PSD4: variants seen among roughly 807,000 people sequenced by gnomAD.
PSD4 encodes the protein pleckstrin and Sec7 domain containing 4, also known as PH and SEC7 domain-containing protein 4.
A neutral mutation model predicts 112.5 loss-of-function variants in PSD4; 59 were observed. That is an observed-to-expected ratio of 0.52 (90% CI 0.43 to 0.65). The LOEUF (loss-of-function observed/expected upper bound fraction) is 0.65. Among genes scored for constraint, PSD4 ranks in the 30% least tolerant of loss-of-function variants. The pLI is 0.00. For synonymous variants in PSD4, 533 were observed against 540.0 expected (o/e 0.99, Z 0.18); for missense variants, 1,267 against 1,352.6 (o/e 0.94, Z 0.99).
intron 1 of PSD4, among the ~76,000 whole-genome samples, chr2:113,176,888 C>T (rs1035725547): frequency 1.3e-5 from 2 of 152,174 alleles, no homozygotes; most frequent in Non-Finnish European, 2.9e-5. Flanking sequence ...ATCAGACCGC[C>T]CTCACCTGGG....
At chr2:113,199,332 G>C in intron 16 of PSD4, 106 bp downstream of exon 16, 1 of 1,261,728 alleles carries the variant, frequency 7.9e-7, no homozygotes, top group East Asian at 3.2e-5. Context: ...GCCGGGGCGG[G>C]GAGAGGCGCT....
In PSD4 at chr2:113,197,888, T is replaced by A; in HGVS notation, c.2599T>A (p.Trp867Arg). 1 of 1,595,894 alleles carries A rather than the reference T, an allele frequency of 6.3e-7. No homozygotes were observed. The highest frequency in any genetic ancestry group is 8.6e-7 in the Non-Finnish European group (1 of 1,167,730). The change falls in exon 14 of 17, where the codon TGG (tryptophan) becomes AGG (arginine). Residue 867 changes from tryptophan to arginine, a missense_variant. Coordinates refer to ENST00000245796, the MANE Select transcript of PSD4 (RefSeq NM_012455.3). ...CGTCTTCCAGCTGCGCACGGCTGACTGGCGCCTCTACCTCTTCCAGGCACC... is the reference window on the plus strand; with the variant it reads ...CGTCTTCCAGCTGCGCACGGCTGACAGGCGCCTCTACCTCTTCCAGGCACC... The part of the protein sequence containing the change: ...PHVFQLRTAD[W>R]RLYLFQAPTA...
At chr2:113,191,256 A>G (rs1268368105) in intron 5 of PSD4, among the ~76,000 whole-genome samples, 2 of 152,094 alleles carry the variant, frequency 1.3e-5, no homozygotes, top group Non-Finnish European at 2.9e-5. Context: ...CTAATGTTAT[A>G]TATCTGTTTA....
intron 5 of PSD4, among the ~76,000 whole-genome samples, chr2:113,190,446 A>AT (rs1236786919): frequency 6.6e-6 from 1 of 151,940 alleles, no homozygotes; most frequent in Non-Finnish European, 1.5e-5. Flanking sequence ...TATTATTATT[A>AT]TTTTTTTGAG....
At position 113,204,766 on chromosome 2, in the gene PSD4, A is replaced by G. The variant is rs1185738300; in HGVS notation, c.*3351A>G. The G allele has an allele frequency of 6.6e-6, 1 of 152,120 alleles. No homozygotes were observed. Among genetic ancestry groups the G allele is most frequent in the Non-Finnish European group, 1.5e-5 (1 of 68,032 alleles). 9.4% of individuals were successfully genotyped at this position (152,120 alleles called of 1,614,324 possible). On this transcript the variant is annotated 3_prime_UTR_variant, in exon 17 of 17. Transcript: ENST00000245796. ...CACCAGGGTAGATAAAAAGATCACC[A>G]AGACCCGCACCTTTTTCCTTAGGAG... is the stretch of plus-strand genomic sequence containing the variant.
At position 113,208,841 on chromosome 2, in the gene PSD4, A is replaced by G. The variant is rs1688902009; in HGVS notation, c.*7426A>G. On this transcript the variant is annotated 3_prime_UTR_variant, in exon 17 of 17. Transcript: ENST00000245796. ...GTCATGGTCATGGGCTAATCTGTAT[A>G]TGAAAACCCACTTGAAAGAAATCCC... 6.6e-6 allele frequency: 1 copy of G among 152,212 alleles called. No individual in the cohort carries two copies. 9.4% of individuals were successfully genotyped at this position (152,212 alleles called of 1,614,324 possible). A position where few individuals can be genotyped will look rare whatever the true frequency, so the allele number is the denominator to read the frequency against.
chr2:113,190,631 T>A (rs1303111785), intron 5 of PSD4, among the ~76,000 whole-genome samples: 1 of 152,176 alleles, frequency 6.6e-6, no homozygotes, highest in African/African-American at 2.4e-5. Flanking sequence ...TTTATGGAGA[T>A]GTGGTCTCAC....
chr2:113,178,596 T>C (rs1229974893), intron 1 of PSD4, among the ~76,000 whole-genome samples: 1 of 151,968 alleles, frequency 6.6e-6, no homozygotes, highest in Non-Finnish European at 1.5e-5. Flanking sequence ...ACAAGTGGGG[T>C]TTCCTCTCAT....
intron 14 of PSD4, 99 bp downstream of exon 14, chr2:113,198,012 G>A (rs1012741578): frequency 1.4e-5 from 18 of 1,314,020 alleles, no homozygotes; most frequent in Admixed American, 3.2e-5. Context: ...GCCCCAGGGG[G>A]TCCTGGTGGG....
intron 12 of PSD4, 104 bp downstream of exon 12, chr2:113,196,411 A>G: frequency 2.1e-6 from 3 of 1,407,040 alleles, no homozygotes; most frequent in Non-Finnish European, 2.9e-6. Context: ...GCCCGCGTTG[A>G]GGACAGGCAG....
At chr2:113,185,642 G>A (rs984700523) in intron 4 of PSD4, 24 of 1,547,400 alleles carry the variant, frequency 1.6e-5, no homozygotes, top group Admixed American at 7.8e-5. Context: ...ATTTCTTACC[G>A]CTGGGTCTTA....
In PSD4 at chr2:113,207,215, G is replaced by C. The variant is rs1247837991; in HGVS notation, c.*5800G>C. ...TCTGAGCCAGTCACTAGAGCCAGGG[G>C]TTTAAGGAGATCAGAGTCCACTTCT... On this transcript the variant is annotated 3_prime_UTR_variant, in exon 17 of 17. Transcript: ENST00000245796. 1 of 152,238 alleles carries C rather than the reference G, an allele frequency of 6.6e-6. No homozygotes were observed. The highest frequency in any genetic ancestry group is 1.5e-5 in the Non-Finnish European group (1 of 68,092). 9.4% of individuals were successfully genotyped at this position (152,238 alleles called of 1,614,324 possible).
intron 4 of PSD4, 80 bp from the exon 5 acceptor site, chr2:113,185,797 G>A: frequency 6.4e-7 from 1 of 1,554,812 alleles, no homozygotes. Flanking sequence ...GAGCCCCAGG[G>A]AGGGAGCCTC....
intron 8 of PSD4, 59 bp downstream of exon 8, chr2:113,193,429 T>C: frequency 1.3e-6 from 2 of 1,547,328 alleles, no homozygotes; most frequent in Middle Eastern, 1.7e-4. Context: ...CCATGTCTGC[T>C]TGGGAGTTCA....
chr2:113,198,643 A>G, intron 14 of PSD4, 97 bp from the exon 15 acceptor site: 1 of 1,393,502 alleles, frequency 7.2e-7, no homozygotes, highest in Non-Finnish European at 9.5e-7. Context: ...AGTTCTGAGC[A>G]GCTGGCCAGC....
At chr2:113,193,414 G>T in intron 8 of PSD4, 44 bp downstream of exon 8, 10 of 1,584,232 alleles carry the variant, frequency 6.3e-6, no homozygotes, top group Non-Finnish European at 8.7e-6. Context: ...GAAACTTTGG[G>T]GTGCCCATGT....
chr2:113,198,498 C>G, intron 14 of PSD4: 1 of 427,308 alleles, frequency 2.3e-6, no homozygotes, highest in Non-Finnish European at 4.1e-6. Context: ...TCTCGAACTC[C>G]TGACCTCAGG....
At position 113,206,380 on chromosome 2, in the gene PSD4, T is replaced by G. The variant is rs1688864045; in HGVS notation, c.*4965T>G. The G allele has an allele frequency of 6.6e-6, 1 of 152,284 alleles. No individual in the cohort carries two copies. Among genetic ancestry groups the G allele is most frequent in the Non-Finnish European group, 1.5e-5 (1 of 68,050 alleles). The allele number at this position is 152,284 out of a possible 1,614,324, so 9.4% of individuals were successfully genotyped here. A position where few individuals can be genotyped will look rare whatever the true frequency, so the allele number is the denominator to read the frequency against. ...GGCACCTCCTAGGGCAATTGATGGC[T>G]GCAGTCATCAACTCTGATGCCTTCT... is the stretch of plus-strand genomic sequence containing the variant. On this transcript the variant is annotated 3_prime_UTR_variant, in exon 17 of 17. Transcript: ENST00000245796.
Position 113,208,589 on chromosome 2 carries a change from G to T in PSD4, c.*7174G>T, listed in dbSNP as rs77542444. 1 of 152,218 alleles carries T rather than the reference G, an allele frequency of 6.6e-6. No homozygotes were observed. Among genetic ancestry groups the T allele is most frequent in the African/African-American group, 2.4e-5 (1 of 41,436 alleles). The allele number at this position is 152,218 out of a possible 1,614,324, so 9.4% of individuals were successfully genotyped here. The stretch of plus-strand genomic sequence containing the variant: ...GGACCTTTGCCTCACAATCAGGGTA[G>T]AAGCCTCTGGTTTTCTTATTTCTTT... On this transcript the variant is annotated 3_prime_UTR_variant, in exon 17 of 17. Coordinates refer to ENST00000245796, the MANE Select transcript of PSD4 (RefSeq NM_012455.3).
Sources: allele counts gnomAD v4.1 joint callset (sites outside exome capture counted in the v4.1 genomes callset), GRCh38; gene constraint gnomAD v4.1.1; transcripts MANE v1.5; gene names NCBI Gene and HGNC (gene_info 2026-07-23, HGNC 2026-07-21).